The following VPS4B variants were observed in gnomAD, a reference collection of about 807,000 sequenced individuals.
VPS4B encodes the protein vacuolar protein sorting-associated protein 4B.
In VPS4B, 23 loss-of-function variants were observed where a neutral mutation model predicts 56.1. That is an observed-to-expected ratio of 0.41 (90% CI 0.30 to 0.58). VPS4B has a LOEUF of 0.58. Ranked by LOEUF, VPS4B falls within the 20% of genes least tolerant of loss-of-function variation. VPS4B has a pLI of 0.29. For missense variants in VPS4B, 372 were observed against 531.9 expected (o/e 0.70, Z 2.96); for synonymous variants, 177 against 186.0 (o/e 0.95, Z 0.39).
chr18:63,398,536 CT>C (rs1198773650), intron 8 of VPS4B, among the ~76,000 whole-genome samples: 3 of 148,958 alleles, frequency 2.0e-5, no homozygotes, highest in South Asian at 2.1e-4. Context: ...ATAGTTTTTA[CT>C]AAAAAAAAAA....
intron 4 of VPS4B, among the ~76,000 whole-genome samples, chr18:63,405,886 T>C (rs1415999963): frequency 6.6e-6 from 1 of 151,830 alleles, no homozygotes; most frequent in Non-Finnish European, 1.5e-5. Context: ...CTCAGGAGGC[T>C]GAGGCAGGAG....
In VPS4B at chr18:63,407,435, G is replaced by C; in HGVS notation, c.361C>G (p.Gln121Glu). The stretch of plus-strand genomic sequence containing the variant: ...TAAAAATGAAATCTAAAGCAACCTT[G>C]AAGTTGATTCTGTAGTTTCTTTTTT... ...PEKKKLQNQL[Q>E]GAIVIERPNV... The change falls in exon 4 of 11, where the codon CAA (glutamine) becomes GAA (glutamate). Residue 121 changes from glutamine to glutamate, a missense_variant. Physicochemically the swap from Gln to Glu is conservative, Grantham distance 29 (BLOSUM62 2). Coordinates refer to ENST00000238497, the MANE Select transcript of VPS4B (RefSeq NM_004869.4). 6.2e-7 allele frequency: 1 copy of C among 1,606,988 alleles called. No homozygotes were observed. Among genetic ancestry groups the C allele is most frequent in the Non-Finnish European group, 8.5e-7 (1 of 1,177,248 alleles).
At chr18:63,407,739 C>T (rs925492425) in intron 3 of VPS4B, among the ~76,000 whole-genome samples, 2 of 152,130 alleles carry the variant, frequency 1.3e-5, no homozygotes, top group Admixed American at 6.5e-5. Flanking sequence ...GGAACTAGCT[C>T]CAAATTCCCA....
chr18:63,409,050 C>A (rs1324929226), intron 3 of VPS4B, among the ~76,000 whole-genome samples: 1 of 152,194 alleles, frequency 6.6e-6, no homozygotes. Flanking sequence ...TCCTCACTTT[C>A]ATATAAGAAA....
intron 8 of VPS4B, among the ~76,000 whole-genome samples, chr18:63,397,948 C>T (rs1002300184): frequency 8.6e-5 from 13 of 152,022 alleles, no homozygotes; most frequent in Non-Finnish European, 1.6e-4. Context: ...CATTTCCTTT[C>T]TTGGTACTGG....
At chr18:63,406,603 A>C (rs1915922680) in intron 4 of VPS4B, among the ~76,000 whole-genome samples, 1 of 152,262 alleles carries the variant, frequency 6.6e-6, no homozygotes, top group South Asian at 2.1e-4. Flanking sequence ...AAGAATAATC[A>C]AATCTCAGTG....
intron 1 of VPS4B, among the ~76,000 whole-genome samples, chr18:63,417,809 C>G (rs1255274493): frequency 1.3e-5 from 2 of 152,090 alleles, no homozygotes; most frequent in Admixed American, 1.3e-4. Context: ...GACTGTGTCA[C>G]CCCAGGATCA....
At chr18:63,407,707 C>A (rs1231322621) in intron 3 of VPS4B, among the ~76,000 whole-genome samples, 6 of 152,030 alleles carry the variant, frequency 3.9e-5, no homozygotes, top group Admixed American at 1.3e-4. Flanking sequence ...AAGAAAGGGA[C>A]AAAAAGACCA....
rs1310194622 is a variant in VPS4B, at chr18:63,414,285, G to A, written c.28-2707C>T. ...CTTGGGAGGCTGAGTCAGGAGAATC[G>A]CTTGAATCCGGGAGACAGAGGTTGC... On this transcript the variant is annotated intron_variant, in intron 1 of 10. Coordinates refer to ENST00000238497, the MANE Select transcript of VPS4B (RefSeq NM_004869.4). Among the ~76,000 whole-genome samples, 5 of 151,404 alleles carry A rather than the reference G, an allele frequency of 3.3e-5. No homozygotes were observed. The East Asian group carries it at 9.8e-4, about 30-fold the overall frequency.
chr18:63,412,731 C>T (rs575771859), intron 1 of VPS4B, among the ~76,000 whole-genome samples: 7 of 152,200 alleles, frequency 4.6e-5, no homozygotes, highest in African/African-American at 7.2e-5. Flanking sequence ...CTCACTATGT[C>T]GACCAAGCTA....
chr18:63,393,026 G>A (rs1196114028), intron 10 of VPS4B, among the ~76,000 whole-genome samples: 5 of 152,126 alleles, frequency 3.3e-5, no homozygotes, highest in Non-Finnish European at 7.4e-5. Context: ...GATTACAGGT[G>A]ACTTCTGGTT....
At position 63,400,411 on chromosome 18, in the gene VPS4B, C is replaced by T. The variant is rs1915784014; in HGVS notation, c.641+136G>A. 4 of 1,134,652 alleles carry T rather than the reference C, an allele frequency of 3.5e-6. No individual in the cohort carries two copies. In the South Asian group the frequency reaches 6.8e-5, roughly 19 times the overall value. The allele number at this position is 1,134,652 out of a possible 1,614,324, so 70.3% of individuals were successfully genotyped here. On this transcript the variant is annotated intron_variant, in intron 6 of 10. Coordinates refer to ENST00000238497, the MANE Select transcript of VPS4B (RefSeq NM_004869.4). ...CACAAAAGAAATTCTAGATTAGAGA[C>T]TGATTTGACAGAGAAGTGAGTACCT...
At chr18:63,421,529 G>C (rs9955737) in intron 1 of VPS4B, among the ~76,000 whole-genome samples, 16 of 152,180 alleles carry the variant, frequency 1.1e-4, no homozygotes, top group Non-Finnish European at 2.4e-4. Context: ...GGGGATGGGA[G>C]ACACCATTAC....
At chr18:63,391,632 AT>A (rs1167919920) in intron 10 of VPS4B, among the ~76,000 whole-genome samples, 1 of 152,230 alleles carries the variant, frequency 6.6e-6, no homozygotes, top group Non-Finnish European at 1.5e-5. Context: ...CCCAATACTT[AT>A]CAGAAGGACA....
At position 63,400,063 on chromosome 18, in the gene VPS4B, G is replaced by A; in HGVS notation, c.775C>T (p.Leu259=). 2 of 1,604,540 alleles carry A rather than the reference G, an allele frequency of 1.2e-6. No individual in the cohort carries two copies. Among genetic ancestry groups the A allele is most frequent in the Non-Finnish European group, 1.7e-6 (2 of 1,177,432 alleles). Reference sequence around the variant, plus strand: ...GTAACACTACCTTGCATTTGCACTAGGAACTCCGTCTTAATTCTACGTGCG... The same window carrying A: ...GTAACACTACCTTGCATTTGCACTAAGAACTCCGTCTTAATTCTACGTGCG... The part of the protein sequence containing the change: ...EAARRIKTEF[L]VQMQGVGVDN... Residue 259 remains leucine (L), a synonymous_variant, in exon 7 of 11, where the codon CTA becomes TTA. Coordinates refer to ENST00000238497, the MANE Select transcript of VPS4B (RefSeq NM_004869.4).
At chr18:63,402,495 T>G (rs943021301) in intron 5 of VPS4B, among the ~76,000 whole-genome samples, 3 of 152,212 alleles carry the variant, frequency 2.0e-5, no homozygotes, top group Non-Finnish European at 4.4e-5. Context: ...GCTTGCTTTG[T>G]GACAATTAAG....
intron 10 of VPS4B, among the ~76,000 whole-genome samples, chr18:63,391,425 C>T (rs1238788177): frequency 6.6e-6 from 1 of 152,052 alleles, no homozygotes; most frequent in Non-Finnish European, 1.5e-5. Context: ...GATGGGGTTT[C>T]GTTTTGTTGG....
At chr18:63,392,821 G>A (rs1915582427) in intron 10 of VPS4B, among the ~76,000 whole-genome samples, 1 of 151,868 alleles carries the variant, frequency 6.6e-6, no homozygotes, top group African/African-American at 2.4e-5. Context: ...TGCAATCTCG[G>A]CTCACTGCAA....
intron 10 of VPS4B, among the ~76,000 whole-genome samples, chr18:63,392,466 T>G (rs1915570895): frequency 6.6e-6 from 1 of 152,194 alleles, no homozygotes; most frequent in South Asian, 2.1e-4. Context: ...TGTTGTTTTT[T>G]GAGACAGAGT....
Sources: allele counts gnomAD v4.1 joint callset (sites outside exome capture counted in the v4.1 genomes callset), GRCh38; gene constraint gnomAD v4.1.1; transcripts MANE v1.5; gene names NCBI Gene and HGNC (gene_info 2026-07-23, HGNC 2026-07-21).